OR4P4: variants seen among roughly 807,000 people sequenced by gnomAD.
OR4P4 encodes the protein olfactory receptor family 4 subfamily P member 4.
Under a neutral mutation model 2.1 loss-of-function variants are expected in OR4P4, and 1 was observed. The ratio of observed to expected loss-of-function variants is 0.47; its 90% CI spans 0.17 to 2.21. OR4P4 has a LOEUF of 2.21. OR4P4 is among the 30% of genes most tolerant of loss of function. OR4P4 has a pLI of 0.27. For synonymous variants in OR4P4, 129 were observed against 133.2 expected (o/e 0.97, Z 0.22); for missense variants, 375 against 376.5 (o/e 1.00, Z 0.03).
chr11:55,635,172 C>A (rs1245498124), exon 1 of OR4P4: 1 of 137,812 alleles, frequency 7.3e-6, no homozygotes, highest in Non-Finnish European at 1.6e-5. Flanking sequence ...AAATAGGATT[C>A]AAGTTACATG....
At position 55,637,836 on chromosome 11, in the gene OR4P4, A is replaced by G. The variant is rs1391592897; in HGVS notation, c.-30-492A>G. ...GTTCACCACCTACAACGTTGGTTTTAGTTTATGCAATCAAATCCCATTTGT... is the reference window on the plus strand; with the variant it reads ...GTTCACCACCTACAACGTTGGTTTTGGTTTATGCAATCAAATCCCATTTGT... On this transcript the variant is annotated intron_variant, in intron 1 of 1. Transcript: ENST00000641760. Among the ~76,000 whole-genome samples the G allele has an allele frequency of 2.9e-5, 4 of 138,586 alleles. 1 individual carries two copies. Among genetic ancestry groups the G allele is most frequent in the Non-Finnish European group, 6.4e-5 (4 of 62,216 alleles). The allele number at this position is 138,586 out of a possible 152,430, so 90.9% of individuals were successfully genotyped here. A position where few individuals can be genotyped will look rare whatever the true frequency, so the allele number is the denominator to read the frequency against.
In OR4P4 at chr11:55,636,683, G is replaced by A. The variant is rs115186894; in HGVS notation, c.-31+1467G>A. 1.8e-3 allele frequency among the ~76,000 whole-genome samples: 244 copies of A among 137,540 alleles called. 26 individuals are homozygous for A. Among genetic ancestry groups the A allele is most frequent in the African/African-American group, 5.3e-3 (211 of 39,908 alleles). The allele number at this position is 137,540 out of a possible 152,430, so 90.2% of individuals were successfully genotyped here. Reference sequence around the variant, plus strand: ...CTATGTACAATTTCCTAAAGCTCTAGAATCCTAATGTAATTTTCATGTGTT... The same window carrying A: ...CTATGTACAATTTCCTAAAGCTCTAAAATCCTAATGTAATTTTCATGTGTT... On this transcript the variant is annotated intron_variant, in intron 1 of 1. Transcript: ENST00000641760.
rs1858383329 is a variant in OR4P4 at position 55,635,907 on chromosome 11, G to A, written c.-31+691G>A. ...AAGGAGGACCTGATTGTCCACTGGG[G>A]ATGAGATGACATATTCTAGAAAAAT... On this transcript the variant is annotated intron_variant, in intron 1 of 1. Transcript: ENST00000641760. 1.5e-5 allele frequency among the ~76,000 whole-genome samples: 2 copies of A among 137,446 alleles called. 1 individual carries two copies. The highest frequency in any genetic ancestry group is 3.2e-5 in the Non-Finnish European group (2 of 61,564). The allele number at this position is 137,446 out of a possible 152,430, so 90.2% of individuals were successfully genotyped here. A position where few individuals can be genotyped will look rare whatever the true frequency, so the allele number is the denominator to read the frequency against.
At position 55,635,586 on chromosome 11, in the gene OR4P4, A is replaced by G. The variant is rs1323184196; in HGVS notation, c.-31+370A>G. 1.5e-5 allele frequency among the ~76,000 whole-genome samples: 2 copies of G among 137,640 alleles called. 1 individual carries two copies. Among genetic ancestry groups the G allele is most frequent in the Non-Finnish European group, 3.2e-5 (2 of 61,598 alleles). 90.3% of individuals were successfully genotyped at this position (137,640 alleles called of 152,430 possible). On this transcript the variant is annotated intron_variant, in intron 1 of 1. Transcript: ENST00000641760. ...AGCATTCAACATGCTGAAGATGTCAAGTCAGATGTTGCAAAGAAACAATTT... is the reference window on the plus strand; with the variant it reads ...AGCATTCAACATGCTGAAGATGTCAGGTCAGATGTTGCAAAGAAACAATTT...
chr11:55,638,574 T>A, exon 2 of OR4P4: 1 of 1,479,866 alleles, frequency 6.8e-7, no homozygotes, highest in African/African-American at 1.4e-5. Flanking sequence ...TTGCTACACA[T>A]CCACAGTGAC....
intron 1 of OR4P4, among the ~76,000 whole-genome samples, chr11:55,636,544 CGT>C (rs1565072765): frequency 7.3e-6 from 1 of 137,382 alleles, no homozygotes; most frequent in Non-Finnish European, 1.6e-5. Flanking sequence ...CAGTTTATCC[CGT>C]GTGAGTTTTC....
rs1474060745 is a variant in OR4P4 at position 55,638,611 on chromosome 11, C to A, written c.254C>A (p.Ala85Glu). Residue 85 changes from alanine to glutamate, a missense_variant, in exon 2 of 2, where the codon GCA (alanine) becomes GAA (glutamate). Physicochemically the swap from Ala to Glu is moderately radical, Grantham distance 107. Transcript: ENST00000641760. ...CCCAAATTAATGGTTGACTTACTGG[C>A]AGAAAGAAAGACCATTTCCTATAAT... 8 of 1,487,090 alleles carry A rather than the reference C, an allele frequency of 5.4e-6. 3 individuals carry two copies. In the East Asian group the frequency reaches 1.5e-4, roughly 29 times the overall value. 92.1% of individuals were successfully genotyped at this position (1,487,090 alleles called of 1,614,324 possible). A position where few individuals can be genotyped will look rare whatever the true frequency, so the allele number is the denominator to read the frequency against.
exon 2 of OR4P4, chr11:55,638,380 C>A: frequency 7.1e-7 from 1 of 1,406,036 alleles, no homozygotes; most frequent in East Asian, 2.6e-5. Flanking sequence ...AATAATAGCA[C>A]TTTGTTTATT....
exon 2 of OR4P4, chr11:55,639,546 T>C: frequency 3.0e-6 from 1 of 332,526 alleles, no homozygotes; most frequent in Non-Finnish European, 5.4e-6. Context: ...TTCTTAAAAA[T>C]AAAGGATTAC....
chr11:55,635,407 G>A (rs1858376052), intron 1 of OR4P4, among the ~76,000 whole-genome samples, 191 bp downstream of exon 1: 1 of 137,602 alleles, frequency 7.3e-6, no homozygotes. Flanking sequence ...TGAAAACAAG[G>A]CAAGTACTCC....
chr11:55,639,249 A>G lies in OR4P4; in HGVS notation c.892A>G (p.Lys298Glu). 3 of 1,484,584 alleles carry G rather than the reference A, an allele frequency of 2.0e-6. No homozygotes were observed. Among genetic ancestry groups the G allele is most frequent in the Middle Eastern group, 1.9e-4 (1 of 5,224 alleles). The allele number at this position is 1,484,584 out of a possible 1,614,324, so 92.0% of individuals were successfully genotyped here. A position where few individuals can be genotyped will look rare whatever the true frequency, so the allele number is the denominator to read the frequency against. ...CACAGAGATGAAGAACGCCATGAGGAAAGTGTGGTGTTGTCAAATACTCCT... is the reference window on the plus strand; with the variant it reads ...CACAGAGATGAAGAACGCCATGAGGGAAGTGTGGTGTTGTCAAATACTCCT... Residue 298 changes from lysine to glutamate, a missense_variant, in exon 2 of 2, where the codon AAA becomes GAA. Transcript: ENST00000641760.
At chr11:55,638,266 T>A (rs1442491286) in intron 1 of OR4P4, 62 bp from the exon 2 acceptor site, 1 of 651,942 alleles carries the variant, frequency 1.5e-6, no homozygotes, top group African/African-American at 1.8e-5. Flanking sequence ...GTTCCTCAAA[T>A]AAAATATGAT....
chr11:55,638,810 T>C (rs1437760091), exon 2 of OR4P4: 3 of 1,491,884 alleles, frequency 2.0e-6, no homozygotes, highest in South Asian at 2.4e-5. Flanking sequence ...CTGGGGGATT[T>C]ATACATTCTG....
rs754039482 is a variant in OR4P4 at position 55,635,327 on chromosome 11, G to A, written c.-31+111G>A. The A allele has an allele frequency of 1.5e-5, 2 of 137,446 alleles. 1 individual carries two copies. The highest frequency in any genetic ancestry group is 3.3e-5 in the Non-Finnish European group (2 of 61,434). 8.5% of individuals were successfully genotyped at this position (137,446 alleles called of 1,614,324 possible). ...GAATATAGCCTTTACCTAAAATTTT[G>A]CCTGGCATTTGAGCTTGAACACCTT... On this transcript the variant is annotated intron_variant, in intron 1 of 1. Transcript: ENST00000641760.
At position 55,636,757 on chromosome 11, in the gene OR4P4, C is replaced by G. The variant is rs1300016224; in HGVS notation, c.-31+1541C>G. On this transcript the variant is annotated intron_variant, in intron 1 of 1. Coordinates refer to ENST00000641760, the Ensembl canonical transcript of OR4P4. ...GCACAACGATATCATCCCTTGTACACTATTTTATTCTTTTAAATGTCCTTT... is the reference window on the plus strand; with the variant it reads ...GCACAACGATATCATCCCTTGTACAGTATTTTATTCTTTTAAATGTCCTTT... 2.2e-5 allele frequency among the ~76,000 whole-genome samples: 3 copies of G among 137,952 alleles called. 1 individual carries two copies. Among genetic ancestry groups the G allele is most frequent in the Non-Finnish European group, 4.9e-5 (3 of 61,782 alleles). 90.5% of individuals were successfully genotyped at this position (137,952 alleles called of 152,430 possible).
chr11:55,638,436 G>GT lies in OR4P4; in HGVS notation c.80dup (p.Leu28IlefsTer55), dbSNP rs767039135. On this transcript the variant is annotated frameshift_variant, in exon 2 of 2. Transcript: ENST00000641760. LOFTEE classifies it low-confidence loss of function (END_TRUNC). ...TAAGAACATTGAAGTCCTCTGCTTT[G>GT]TATTATTTTTGTTTTGCTACATTGC... 5 of 1,466,582 alleles carry GT rather than the reference G, an allele frequency of 3.4e-6. 1 individual carries two copies. The South Asian group carries it at 4.8e-5, about 14-fold the overall frequency. The allele number at this position is 1,466,582 out of a possible 1,614,324, so 90.8% of individuals were successfully genotyped here.
At chr11:55,635,843 T>C (rs1011077685) in intron 1 of OR4P4, among the ~76,000 whole-genome samples, 1 of 137,800 alleles carries the variant, frequency 7.3e-6, no homozygotes, top group Non-Finnish European at 1.6e-5. Flanking sequence ...GCAAATTCTA[T>C]AGACTAAGAC....
exon 2 of OR4P4, chr11:55,638,586 C>A: frequency 6.8e-7 from 1 of 1,480,304 alleles, no homozygotes; most frequent in Non-Finnish European, 9.2e-7. Context: ...CACAGTGACC[C>A]CCAAATTAAT....
intron 1 of OR4P4, among the ~76,000 whole-genome samples, chr11:55,637,133 A>T (rs1858398143): frequency 7.2e-6 from 1 of 138,218 alleles, no homozygotes; most frequent in African/African-American, 2.5e-5. Context: ...TAGGGATTCA[A>T]ATTACGTTGT....
Sources: allele counts gnomAD v4.1 joint callset (sites outside exome capture counted in the v4.1 genomes callset), GRCh38; gene constraint gnomAD v4.1.1; transcripts MANE v1.5; gene names NCBI Gene and HGNC (gene_info 2026-07-23, HGNC 2026-07-21).